The following TENM2 variants were observed in gnomAD, a reference collection of about 807,000 sequenced individuals.
TENM2 encodes the protein teneurin-2.
A neutral mutation model predicts 245.2 loss-of-function variants in TENM2; 52 were observed. The observed-to-expected ratio is 0.21, with a 90% CI of 0.17 to 0.27. The LOEUF (loss-of-function observed/expected upper bound fraction) is 0.27, where lower values mean the gene tolerates loss of function less well. Among genes scored for constraint, TENM2 ranks in the 10% least tolerant of loss-of-function variants. The probability of loss-of-function intolerance (pLI) is 1.00; values close to 1 mark genes in which losing one functional copy is unlikely to be tolerated. For missense variants in TENM2, 3,046 were observed against 3,666.8 expected (o/e 0.83, Z 4.37); for synonymous variants, 1,363 against 1,438.9 (o/e 0.95, Z 1.19).
At chr5:168,174,181 C>T (rs1461625583) in intron 13 of TENM2, among the ~76,000 whole-genome samples, 2 of 152,152 alleles carry the variant, frequency 1.3e-5, no homozygotes, top group Non-Finnish European at 2.9e-5. Context: ...TAAACACACA[C>T]ACCACAGCTG....
exon 12 of TENM2, chr5:168,126,959 C>T (rs1231786097): frequency 1.9e-6 from 3 of 1,603,428 alleles, no homozygotes; most frequent in Non-Finnish European, 2.6e-6. Flanking sequence ...CGGCAGGCAC[C>T]GAAACAGGCA....
chr5:167,211,942 C>T, the TENM2 span, among the ~76,000 whole-genome samples: 1 of 152,074 alleles, frequency 6.6e-6, no homozygotes, highest in Non-Finnish European at 1.5e-5. Flanking sequence ...TATTATTTGT[C>T]TCATTTTACA....
At chr5:167,309,025 CTCTA>C (rs1458117156) in intron 1 of TENM2, among the ~76,000 whole-genome samples, 2 of 108,572 alleles carry the variant, frequency 1.8e-5, no homozygotes, top group African/African-American at 3.7e-5. Flanking sequence ...GGACTTCAAT[CTCTA>C]TCTATATTGT....
rs4976535 is a variant in TENM2 at position 168,086,779 on chromosome 5, G to A, written c.1516-3795G>A. Among the ~76,000 whole-genome samples, 291 of 152,322 alleles carry A rather than the reference G, an allele frequency of 1.9e-3. 3 individuals carry two copies. Among genetic ancestry groups the A allele is most frequent in the Admixed American group, 0.018 (269 of 15,302 alleles). On this transcript the variant is annotated intron_variant, in intron 7 of 28. Transcript: ENST00000518659. Reference sequence around the variant, plus strand: ...GATCACAGTGAGGTCCTAGAACAGAGGAGCCAGATGTCCCCAATACTAAGC... The same window carrying A: ...GATCACAGTGAGGTCCTAGAACAGAAGAGCCAGATGTCCCCAATACTAAGC...
At chr5:167,602,554 T>G (rs190287515) in intron 2 of TENM2, among the ~76,000 whole-genome samples, 38 of 152,178 alleles carry the variant, frequency 2.5e-4, no homozygotes, top group Admixed American at 2.2e-3. Context: ...GGTTGGAGAG[T>G]AGATATTGTT....
chr5:166,983,771 T>C, the TENM2 span, among the ~76,000 whole-genome samples: 1 of 152,126 alleles, frequency 6.6e-6, no homozygotes, highest in Non-Finnish European at 1.5e-5. Context: ...TCTTTGAAAG[T>C]TGAGACTTCT....
the TENM2 span, among the ~76,000 whole-genome samples, chr5:167,137,910 T>C: frequency 1.3e-5 from 2 of 152,214 alleles, no homozygotes; most frequent in Non-Finnish European, 2.9e-5. Flanking sequence ...ATTGCTTTCT[T>C]GATGGGGTAG....
intron 2 of TENM2, among the ~76,000 whole-genome samples, chr5:167,568,727 A>C (rs1028109576): frequency 6.6e-6 from 1 of 151,168 alleles, no homozygotes; most frequent in African/African-American, 2.4e-5. Context: ...CAACTTGTTG[A>C]AAATTCAACA....
At chr5:167,655,709 T>G (rs1754796414) in intron 2 of TENM2, among the ~76,000 whole-genome samples, 1 of 152,244 alleles carries the variant, frequency 6.6e-6, no homozygotes, top group Admixed American at 6.5e-5. Flanking sequence ...TGTATGTTAA[T>G]TCAACTATTT....
chr5:168,208,853 G>A (rs533487927), intron 19 of TENM2, among the ~76,000 whole-genome samples: 26 of 152,160 alleles, frequency 1.7e-4, no homozygotes, highest in African/African-American at 5.8e-4. Context: ...TATGAAATGA[G>A]AAATGAAATG....
chr5:167,801,434 T>C (rs138757493), intron 2 of TENM2, among the ~76,000 whole-genome samples: 266 of 152,062 alleles, frequency 1.7e-3, no homozygotes, highest in Middle Eastern at 3.4e-3. Context: ...CAGTGGAGAA[T>C]GCCAACCCTC....
intron 2 of TENM2, among the ~76,000 whole-genome samples, chr5:167,432,560 C>T (rs1179149833): frequency 6.6e-6 from 1 of 151,112 alleles, no homozygotes; most frequent in Non-Finnish European, 1.5e-5. Context: ...ATTGTATTCA[C>T]ATAAGTAAGC....
the TENM2 span, among the ~76,000 whole-genome samples, chr5:167,276,676 C>T: frequency 5.9e-5 from 9 of 151,912 alleles, no homozygotes; most frequent in Non-Finnish European, 1.0e-4. Context: ...GGTAGATTTG[C>T]GTATAACCTA....
chr5:168,263,043 G>T, downstream of TENM2: 1 of 488,586 alleles, frequency 2.0e-6, no homozygotes, highest in Non-Finnish European at 3.6e-6. Flanking sequence ...CAAAACAAAC[G>T]AATGAATGAA....
chr5:167,451,585 G>T (rs1765585160), intron 2 of TENM2, among the ~76,000 whole-genome samples: 1 of 151,936 alleles, frequency 6.6e-6, no homozygotes, highest in South Asian at 2.1e-4. Context: ...ACTTGTCCGA[G>T]ACCTCTGGGA....
the TENM2 span, among the ~76,000 whole-genome samples, chr5:167,049,699 C>A: frequency 6.6e-6 from 1 of 152,000 alleles, no homozygotes; most frequent in Non-Finnish European, 1.5e-5. Flanking sequence ...TGATAATTAC[C>A]CCTAATTTAG....
At chr5:168,076,354 T>G (rs1791476992) in intron 7 of TENM2, among the ~76,000 whole-genome samples, 1 of 151,958 alleles carries the variant, frequency 6.6e-6, no homozygotes, top group South Asian at 2.1e-4. Context: ...GCCTCCTGCA[T>G]AGCTGGGACT....
At chr5:167,842,580 CAAAAAAA>C (rs1160974467) in intron 2 of TENM2, among the ~76,000 whole-genome samples, 91 of 45,330 alleles carry the variant, frequency 2.0e-3, no homozygotes, top group African/African-American at 4.2e-3. Context: ...GACTCCATGT[CAAAAAAA>C]AAAAAAAAAA....
chr5:167,093,964 C>T, the TENM2 span, among the ~76,000 whole-genome samples: 29,586 of 152,054 alleles, frequency 0.19, 4,013 homozygotes, highest in East Asian at 0.39. Flanking sequence ...GAAATGCCCT[C>T]CGCCATCTTT....
Sources: gnomAD v4.1 joint callset for allele counts (sites outside exome capture counted in the v4.1 genomes callset) on GRCh38, gnomAD v4.1.1 for gene constraint, MANE v1.5 for transcripts, NCBI Gene and HGNC (gene_info 2026-07-23, HGNC 2026-07-21) for gene names.